The following CATSPERT variants were observed in gnomAD, a reference collection of about 807,000 sequenced individuals.
The protein encoded by CATSPERT is catsper channel auxiliary subunit tau.
chr2:201,571,769 CCT>C, the CATSPERT span, among the ~76,000 whole-genome samples: 1 of 152,150 alleles, frequency 6.6e-6, no homozygotes, highest in African/African-American at 2.4e-5. Flanking sequence ...AAAATTTCTC[CCT>C]GTTATTAAGC....
At chr2:201,495,503 ACT>A in the CATSPERT span, among the ~76,000 whole-genome samples, 1 of 152,022 alleles carries the variant, frequency 6.6e-6, no homozygotes, top group Non-Finnish European at 1.5e-5. Flanking sequence ...TCTTATTGAA[ACT>A]CTTTTTTCGT....
chr2:201,521,527 A>G, the CATSPERT span, among the ~76,000 whole-genome samples: 1 of 152,152 alleles, frequency 6.6e-6, no homozygotes, highest in South Asian at 2.1e-4. Context: ...TATCATGAGA[A>G]CAGCAAGAGA....
the CATSPERT span, among the ~76,000 whole-genome samples, chr2:201,510,121 A>T: frequency 6.6e-6 from 1 of 150,608 alleles, no homozygotes; most frequent in Non-Finnish European, 1.5e-5. Context: ...TTCTCTCTTC[A>T]TCTGGTAGGA....
the CATSPERT span, chr2:201,574,129 A>C: frequency 9.9e-7 from 1 of 1,011,580 alleles, no homozygotes; most frequent in East Asian, 2.8e-5. Flanking sequence ...ACAATTGTTC[A>C]AACTGAAATA....
the CATSPERT span, among the ~76,000 whole-genome samples, chr2:201,527,988 G>T: frequency 6.7e-6 from 1 of 149,590 alleles, no homozygotes; most frequent in Non-Finnish European, 1.5e-5. Flanking sequence ...AAGAATGGGA[G>T]AAAATATTTG....
At chr2:201,535,301 T>G in the CATSPERT span, 2 of 984,994 alleles carry the variant, frequency 2.0e-6, no homozygotes, top group Non-Finnish European at 2.4e-6. Flanking sequence ...TCAAATTCTT[T>G]ATCTTCTGAC....
the CATSPERT span, chr2:201,534,801 G>T: frequency 1.1e-6 from 1 of 900,058 alleles, no homozygotes; most frequent in Non-Finnish European, 1.3e-6. Flanking sequence ...CAAACTTAAT[G>T]TCCAACAATA....
the CATSPERT span, among the ~76,000 whole-genome samples, chr2:201,551,402 C>T: frequency 2.0e-5 from 3 of 151,988 alleles, no homozygotes; most frequent in African/African-American, 7.2e-5. Flanking sequence ...CATTTACTAC[C>T]ATAAAATATA....
At chr2:201,503,248 A>T in the CATSPERT span, among the ~76,000 whole-genome samples, 2 of 152,044 alleles carry the variant, frequency 1.3e-5, no homozygotes, top group African/African-American at 2.4e-5. Flanking sequence ...AGTATTTTTT[A>T]AAAATACATT....
the CATSPERT span, among the ~76,000 whole-genome samples, chr2:201,617,695 A>G: frequency 3.3e-5 from 5 of 152,206 alleles, no homozygotes; most frequent in Admixed American, 6.5e-5. Flanking sequence ...AACCAAAGCC[A>G]AAATCGACAA....
the CATSPERT span, among the ~76,000 whole-genome samples, chr2:201,505,499 A>AT: frequency 6.6e-6 from 1 of 152,150 alleles, no homozygotes; most frequent in Non-Finnish European, 1.5e-5. Context: ...CCACTGATGT[A>AT]TTTTTTCCAA....
the CATSPERT span, among the ~76,000 whole-genome samples, chr2:201,527,631 C>G: frequency 2.6e-5 from 4 of 152,078 alleles, no homozygotes; most frequent in Non-Finnish European, 5.9e-5. Context: ...TGATTTTTGA[C>G]AAAGTCGACA....
the CATSPERT span, among the ~76,000 whole-genome samples, chr2:201,567,443 AGTC>A: frequency 1.8e-4 from 28 of 152,190 alleles, no homozygotes; most frequent in Non-Finnish European, 3.7e-4. Context: ...GAGGCTGAGA[AGTC>A]CCAAGATCTG....
At chr2:201,536,321 C>A in the CATSPERT span, 3 of 1,581,398 alleles carry the variant, frequency 1.9e-6, no homozygotes, top group South Asian at 2.3e-5. Context: ...TATCCAGTAA[C>A]TAGAAAATAC....
the CATSPERT span, among the ~76,000 whole-genome samples, chr2:201,490,221 T>C: frequency 6.6e-6 from 1 of 152,200 alleles, no homozygotes; most frequent in African/African-American, 2.4e-5. Flanking sequence ...GCACATGATA[T>C]AGCATGGTGG....
At chr2:201,533,440 G>A in the CATSPERT span, among the ~76,000 whole-genome samples, 456 of 152,248 alleles carry the variant, frequency 3.0e-3, no homozygotes, top group Non-Finnish European at 4.6e-3. Flanking sequence ...TATGCCTCAT[G>A]TTTTCCCTCC....
At chr2:201,563,838 G>A in the CATSPERT span, among the ~76,000 whole-genome samples, 1 of 152,184 alleles carries the variant, frequency 6.6e-6, no homozygotes, top group Non-Finnish European at 1.5e-5. Flanking sequence ...GAATCAGTGA[G>A]TTATAAAGAC....
the CATSPERT span, chr2:201,619,147 G>T: frequency 1.2e-6 from 2 of 1,612,628 alleles, no homozygotes; most frequent in South Asian, 2.2e-5. Flanking sequence ...ATCTTCTGCG[G>T]CCTGTCTGCG....
the CATSPERT span, chr2:201,558,025 C>A: frequency 1.3e-5 from 2 of 152,188 alleles, no homozygotes; most frequent in Non-Finnish European, 1.5e-5. Flanking sequence ...CAGGCTTCTA[C>A]CCCAAGGATT....
Sources: gnomAD v4.1 joint callset for allele counts (sites outside exome capture counted in the v4.1 genomes callset) on GRCh38, gnomAD v4.1.1 for gene constraint, MANE v1.5 for transcripts, NCBI Gene and HGNC (gene_info 2026-07-23, HGNC 2026-07-21) for gene names.